The following ZMYM5 variants were observed in gnomAD, a reference collection of about 807,000 sequenced individuals.
The protein encoded by ZMYM5 is zinc finger MYM-type protein 5.
Under a neutral mutation model 61.8 loss-of-function variants are expected in ZMYM5, and 41 were observed. The observed-to-expected ratio is 0.66, with a 90% CI of 0.52 to 0.86. The LOEUF (loss-of-function observed/expected upper bound fraction) is 0.86. Ranked by LOEUF, ZMYM5 falls within the 40% of genes least tolerant of loss-of-function variation. The probability of loss-of-function intolerance (pLI) is 0.00; values close to 1 mark genes in which losing one functional copy is unlikely to be tolerated. For synonymous variants in ZMYM5, 257 were observed against 276.4 expected, an observed-to-expected ratio of 0.93 and a Z score of 0.70; for missense variants, 706 against 786.7, an observed-to-expected ratio of 0.90 and a Z score of 1.23.
intron 7 of ZMYM5, among the ~76,000 whole-genome samples, chr13:19,828,764 A>G (rs1891054613): frequency 6.6e-6 from 1 of 152,212 alleles, no homozygotes; most frequent in South Asian, 2.1e-4. Context: ...GCTAAGGAAG[A>G]AAGAAGAGTA....
chr13:19,828,294 T>G (rs1368965148), intron 7 of ZMYM5, among the ~76,000 whole-genome samples: 2 of 152,044 alleles, frequency 1.3e-5, no homozygotes, highest in African/African-American at 2.4e-5. Flanking sequence ...GCCAACATGG[T>G]GAAACCCTGT....
chr13:19,844,550 A>G (rs1245814945), intron 4 of ZMYM5, among the ~76,000 whole-genome samples: 8 of 152,036 alleles, frequency 5.3e-5, no homozygotes, highest in Non-Finnish European at 1.0e-4. Flanking sequence ...GCAAATTATG[A>G]TGATACCACC....
At chr13:19,840,018 G>C (rs1952811796) in intron 4 of ZMYM5, among the ~76,000 whole-genome samples, 1 of 152,206 alleles carries the variant, frequency 6.6e-6, no homozygotes, top group Admixed American at 6.6e-5. Flanking sequence ...TGTTTAAATG[G>C]AGATTCTAAA....
At chr13:19,855,969 T>C (rs1443387423) in intron 2 of ZMYM5, among the ~76,000 whole-genome samples, 1 of 151,314 alleles carries the variant, frequency 6.6e-6, no homozygotes, top group Non-Finnish European at 1.5e-5. Context: ...TGAGCAGAGA[T>C]GGCGCCACTG....
At chr13:19,851,088 A>C (rs1953274882) in intron 4 of ZMYM5, among the ~76,000 whole-genome samples, 1 of 152,060 alleles carries the variant, frequency 6.6e-6, no homozygotes, top group Non-Finnish European at 1.5e-5. Context: ...AGGCGCCTGT[A>C]ATCCCATCTA....
At chr13:19,854,721 A>G (rs1011338770) in intron 2 of ZMYM5, among the ~76,000 whole-genome samples, 5 of 151,960 alleles carry the variant, frequency 3.3e-5, no homozygotes, top group Non-Finnish European at 4.4e-5. Flanking sequence ...GCTATTATAT[A>G]TATTAACTCA....
At chr13:19,850,511 G>GA (rs1953248692) in intron 4 of ZMYM5, among the ~76,000 whole-genome samples, 1 of 152,068 alleles carries the variant, frequency 6.6e-6, no homozygotes, top group Admixed American at 6.6e-5. Context: ...TGAGGCAGGA[G>GA]AATCAGTTGA....
At position 19,838,711 on chromosome 13, in the gene ZMYM5, T is replaced by G; in HGVS notation, c.861A>C (p.Ile287=). 1.2e-6 allele frequency: 2 copies of G among 1,614,072 alleles called. No homozygotes were observed. Among genetic ancestry groups the G allele is most frequent in the African/African-American group, 2.7e-5 (2 of 74,984 alleles). The change falls in exon 5 of 8, where the codon ATA becomes ATC. Residue 287 remains isoleucine (I), a synonymous_variant. Coordinates refer to ENST00000337963, the MANE Select transcript of ZMYM5 (RefSeq NM_001142684.2). ...SHKRTQNTRS[I]ICKKDASTKK... is the part of the protein sequence containing the mutation. The stretch of plus-strand genomic sequence containing the variant: ...AAGGTACTGCTTACTTTTTACATAT[T>G]ATGCTTCGTGTGTTTTGAGTACGTT...
intron 1 of ZMYM5, among the ~76,000 whole-genome samples, chr13:19,863,162 C>A (rs985455180): frequency 2.6e-5 from 4 of 151,592 alleles, no homozygotes; most frequent in African/African-American, 9.7e-5. Flanking sequence ...AAGAAAAATG[C>A]CCCGCGACCT....
intron 4 of ZMYM5, among the ~76,000 whole-genome samples, chr13:19,840,385 G>T (rs1021092086): frequency 6.6e-6 from 1 of 152,128 alleles, no homozygotes; most frequent in African/African-American, 2.4e-5. Flanking sequence ...GGTGGCGCTC[G>T]CTTGCAGTCC....
At chr13:19,844,411 G>C (rs1953003766) in intron 4 of ZMYM5, among the ~76,000 whole-genome samples, 1 of 152,174 alleles carries the variant, frequency 6.6e-6, no homozygotes, top group African/African-American at 2.4e-5. Flanking sequence ...CCTAGAGATT[G>C]CAAGAGTTCT....
In ZMYM5 at chr13:19,858,165, A is replaced by G. The variant is rs556127239; in HGVS notation, c.-11+4234T>C. ...TGAGCTATGACCACACCACAGCACT[A>G]AAGTCTGGGCAACAGAGTTAGACCT... On this transcript the variant is annotated intron_variant, in intron 2 of 7. Transcript: ENST00000337963. 4.5e-4 allele frequency among the ~76,000 whole-genome samples: 68 copies of G among 151,720 alleles called. No individual in the cohort carries two copies. In the South Asian group the frequency reaches 6.9e-3, roughly 15 times the overall value.
chr13:19,831,495 A>G (rs67687185), intron 7 of ZMYM5, among the ~76,000 whole-genome samples: 14,920 of 151,800 alleles, frequency 0.098, 872 homozygotes, highest in African/African-American at 0.16. Context: ...AATAGCAAGC[A>G]AGTTATTTAA....
intron 2 of ZMYM5, among the ~76,000 whole-genome samples, chr13:19,859,420 T>G (rs1593925574): frequency 6.6e-6 from 1 of 152,278 alleles, no homozygotes; most frequent in South Asian, 2.1e-4. Context: ...TGTTTGTTTT[T>G]GAGACGGAGT....
At chr13:19,829,861 A>G (rs1891117073) in intron 7 of ZMYM5, among the ~76,000 whole-genome samples, 1 of 152,114 alleles carries the variant, frequency 6.6e-6, no homozygotes. Flanking sequence ...AGCTTTAGGT[A>G]TCATCAATTG....
chr13:19,828,141 T>G (rs1891012496), intron 7 of ZMYM5, among the ~76,000 whole-genome samples: 1 of 152,118 alleles, frequency 6.6e-6, no homozygotes. Context: ...CTTGTTCTGT[T>G]TCATTCTGAA....
intron 5 of ZMYM5, 78 bp from the exon 6 acceptor site, chr13:19,837,899 A>G (rs1952726701): frequency 4.9e-6 from 7 of 1,438,594 alleles, no homozygotes; most frequent in Non-Finnish European, 6.5e-6. Flanking sequence ...AATAATTGCC[A>G]TTTTTCATTT....
chr13:19,835,744 C>T lies in ZMYM5; in HGVS notation c.1039-55G>A, dbSNP rs1463621577. ...AGATATATGAACCAGATTAGCATAG[C>T]AAGCAATGAGATAACTAGTTTCTGC... On this transcript the variant is annotated intron_variant, in intron 6 of 7. Transcript: ENST00000337963. 3.2e-6 allele frequency: 4 copies of T among 1,256,528 alleles called. No homozygotes were observed. The African/African-American group carries it at 4.6e-5, about 14-fold the overall frequency. The allele number at this position is 1,256,528 out of a possible 1,614,324, so 77.8% of individuals were successfully genotyped here.
In ZMYM5 at chr13:19,831,128, A is replaced by ATT. The variant is rs34690985; in HGVS notation, c.1251+4347_1251+4348dup. Among the ~76,000 whole-genome samples, 642 of 136,250 alleles carry ATT rather than the reference A, an allele frequency of 4.7e-3. 6 individuals carry two copies. The highest frequency in any genetic ancestry group is 9.0e-3 in the African/African-American group (318 of 35,394). 89.4% of individuals were successfully genotyped at this position (136,250 alleles called of 152,430 possible). ...AGGCGTGAGCCACCACACCCAGCCT[A>ATT]TTTTTTTTTTTTTTTTGAGACAAGG... On this transcript the variant is annotated intron_variant, in intron 7 of 7. Transcript: ENST00000337963.
Sources: allele counts gnomAD v4.1 joint callset (sites outside exome capture counted in the v4.1 genomes callset), GRCh38; gene constraint gnomAD v4.1.1; transcripts MANE v1.5; gene names NCBI Gene and HGNC (gene_info 2026-07-23, HGNC 2026-07-21).